Variants in FGF13 observed in about 807,000 individuals in gnomAD.
FGF13 encodes the protein fibroblast growth factor homologous factor 2.
Under a neutral mutation model 19.5 loss-of-function variants are expected in FGF13, and 2 were observed. That is an observed-to-expected ratio of 0.10 (90% confidence interval 0.04 to 0.32). The LOEUF (loss-of-function observed/expected upper bound fraction) is 0.32, where lower values mean the gene tolerates loss of function less well. Among genes scored for constraint, FGF13 ranks in the 10% least tolerant of loss-of-function variants. The pLI is 1.00. For missense variants in FGF13, 113 were observed against 192.7 expected (o/e 0.59, Z 2.45); for synonymous variants, 72 against 76.9 (o/e 0.94, Z 0.33).
chrX:138,811,730 A>G (rs2099328197), intron 3 of FGF13, among the ~76,000 whole-genome samples: 1 of 110,892 alleles, frequency 9.0e-6, no homozygotes, highest in Non-Finnish European at 1.9e-5. Context: ...ACATGACTAT[A>G]ACAGGACTCT....
At chrX:138,844,243 G>A (rs1401402937) in intron 3 of FGF13, among the ~76,000 whole-genome samples, 1 of 111,864 alleles carries the variant, frequency 8.9e-6, no homozygotes, top group African/African-American at 3.2e-5. Context: ...AATTCTCAGT[G>A]ATCCAATATT....
intron 3 of FGF13, among the ~76,000 whole-genome samples, chrX:138,751,041 T>A (rs1396027718): frequency 9.0e-6 from 1 of 111,258 alleles, no homozygotes; most frequent in African/African-American, 3.3e-5. Context: ...AAGGGCCTCC[T>A]GAGAGTTCAA....
chrX:138,997,696 T>C (rs1019076551), intron 1 of FGF13, among the ~76,000 whole-genome samples: 1 of 111,804 alleles, frequency 8.9e-6, no homozygotes, highest in Non-Finnish European at 1.9e-5. Flanking sequence ...AAAGACCAAA[T>C]ATATGTTTGA....
chrX:138,749,883 G>A (rs976671979), intron 3 of FGF13, among the ~76,000 whole-genome samples: 2 of 112,037 alleles, frequency 1.8e-5, no homozygotes, highest in Non-Finnish European at 3.8e-5. Flanking sequence ...AGGCCTTTAA[G>A]CAAGGGAGAG....
chrX:138,659,741 C>T (rs748157344), intron 3 of FGF13, among the ~76,000 whole-genome samples: 31 of 111,829 alleles, frequency 2.8e-4, no homozygotes, highest in African/African-American at 9.1e-4. Context: ...AAAAAGAATG[C>T]GTTCATGTCC....
chrX:138,675,314 A>G (rs1204872925), intron 3 of FGF13, among the ~76,000 whole-genome samples: 1 of 112,136 alleles, frequency 8.9e-6, no homozygotes, highest in Non-Finnish European at 1.9e-5. Context: ...TTGTTAGAAA[A>G]ATATTTTTCT....
At chrX:139,060,030 C>A (rs1474161002) in intron 1 of FGF13, among the ~76,000 whole-genome samples, 4 of 111,625 alleles carry the variant, frequency 3.6e-5, no homozygotes, top group Non-Finnish European at 7.5e-5. Flanking sequence ...TGGGATATCA[C>A]CACTTGGTAT....
chrX:138,687,857 G>T (rs1333643051), intron 3 of FGF13, among the ~76,000 whole-genome samples: 1 of 111,545 alleles, frequency 9.0e-6, no homozygotes, highest in Non-Finnish European at 1.9e-5. Flanking sequence ...CAGCAACCTG[G>T]ATGGAACTGG....
chrX:138,749,563 T>C (rs1399760519), intron 3 of FGF13, among the ~76,000 whole-genome samples: 1 of 111,135 alleles, frequency 9.0e-6, no homozygotes, highest in Non-Finnish European at 1.9e-5. Flanking sequence ...AAATCAATTG[T>C]TGGGAGGGTG....
chrX:138,685,965 G>A (rs900210334), intron 3 of FGF13, among the ~76,000 whole-genome samples: 2 of 109,066 alleles, frequency 1.8e-5, no homozygotes, highest in African/African-American at 6.7e-5. Context: ...GTGATGAGAC[G>A]GTAACAGGTT....
At chrX:138,985,628 C>T (rs1230243434) in intron 1 of FGF13, among the ~76,000 whole-genome samples, 1 of 111,832 alleles carries the variant, frequency 8.9e-6, no homozygotes, top group African/African-American at 3.3e-5. Context: ...GGACTATTCT[C>T]AAACCCCAAG....
At chrX:139,040,068 G>A (rs920754756) in intron 1 of FGF13, among the ~76,000 whole-genome samples, 10 of 112,326 alleles carry the variant, frequency 8.9e-5, no homozygotes, top group African/African-American at 2.9e-4. Flanking sequence ...GTTCACCAAC[G>A]TCTTTTGTTA....
rs749793104 is a variant in FGF13, at chrX:138,726,120, A to G, written c.28+13122T>C. ...CTAAGTTACATGACCTCCAAGGCCT[A>G]TGGACATGAAAGTTCTTCGAATTTA... On this transcript the variant is annotated intron_variant, in intron 1 of 4. Transcript: ENST00000305414. Among the ~76,000 whole-genome samples the G allele has an allele frequency of 3.6e-5, 4 of 111,318 alleles. No homozygotes were observed. In the South Asian group the frequency reaches 1.5e-3, roughly 42 times the overall value.
chrX:138,996,035 A>C (rs773945372), intron 1 of FGF13, among the ~76,000 whole-genome samples: 1 of 111,480 alleles, frequency 9.0e-6, no homozygotes, highest in Non-Finnish European at 1.9e-5. Flanking sequence ...CCCCAAATAA[A>C]CTTGAAAAGC....
chrX:139,000,419 T>C (rs1161941098), intron 1 of FGF13, among the ~76,000 whole-genome samples: 3 of 112,192 alleles, frequency 2.7e-5, no homozygotes, highest in African/African-American at 6.5e-5. Flanking sequence ...GATGGTATGA[T>C]TGTATATTTA....
At chrX:138,763,167 C>CAT (rs775589656) in intron 3 of FGF13, among the ~76,000 whole-genome samples, 1,734 of 110,352 alleles carry the variant, frequency 0.016, 26 homozygotes, top group African/African-American at 0.054. Context: ...ATTATATATA[C>CAT]ATATATATAT....
chrX:139,189,036 G>C (rs1009966892), intron 1 of FGF13, among the ~76,000 whole-genome samples: 26 of 107,115 alleles, frequency 2.4e-4, no homozygotes, highest in African/African-American at 9.1e-4. Flanking sequence ...AAGGATCATA[G>C]AGGCTATCAC....
intron 1 of FGF13, among the ~76,000 whole-genome samples, chrX:138,949,254 T>G (rs1282339997): frequency 1.8e-5 from 2 of 112,000 alleles, no homozygotes; most frequent in African/African-American, 6.5e-5. Context: ...CAACAGAAAT[T>G]TGTTCTCTTA....
chrX:138,888,154 G>C (rs1459081564), intron 1 of FGF13, among the ~76,000 whole-genome samples: 1 of 112,107 alleles, frequency 8.9e-6, no homozygotes, highest in Admixed American at 9.5e-5. Context: ...ATCTACATTT[G>C]TTAACCTTGG....
Sources: allele counts gnomAD v4.1 joint callset (sites outside exome capture counted in the v4.1 genomes callset), GRCh38; gene constraint gnomAD v4.1.1; transcripts MANE v1.5; gene names NCBI Gene and HGNC (gene_info 2026-07-23, HGNC 2026-07-21).